Variants in IL2RB observed in about 807,000 individuals in gnomAD.
IL2RB encodes the protein interleukin 2 receptor subunit beta.
A neutral mutation model predicts 44.2 loss-of-function variants in IL2RB; 17 were observed. The ratio of observed to expected loss-of-function variants is 0.38; its 90% CI spans 0.26 to 0.58. IL2RB has a LOEUF of 0.58. Among genes scored for constraint, IL2RB ranks in the 20% least tolerant of loss-of-function variants. The pLI, the probability that IL2RB is intolerant of heterozygous loss-of-function variation, is 0.63. For missense variants in IL2RB, 624 were observed against 685.5 expected (o/e 0.91, Z 1.00); for synonymous variants, 286 against 297.9 (o/e 0.96, Z 0.41).
chr22:37,139,325 C>A (rs1206947016), intron 4 of IL2RB, 103 bp from the exon 5 acceptor site: 3 of 726,784 alleles, frequency 4.1e-6, no homozygotes, highest in South Asian at 3.3e-5. Context: ...TCTCCACATG[C>A]CCCGCCACCC....
intron 1 of IL2RB, among the ~76,000 whole-genome samples, chr22:37,157,503 C>T (rs1296883013): frequency 6.6e-6 from 1 of 152,206 alleles, no homozygotes; most frequent in Non-Finnish European, 1.5e-5. Flanking sequence ...GCAAACCATG[C>T]CATTCCTTAC....
chr22:37,158,199 G>A (rs376778461), intron 1 of IL2RB, among the ~76,000 whole-genome samples: 2 of 152,266 alleles, frequency 1.3e-5, no homozygotes, highest in African/African-American at 4.8e-5. Flanking sequence ...TAGGGGACAG[G>A]TGATGAGCAA....
intron 8 of IL2RB, 118 bp downstream of exon 8, chr22:37,135,210 T>A: frequency 1.4e-6 from 1 of 701,806 alleles, no homozygotes; most frequent in Non-Finnish European, 2.5e-6. Context: ...TGGCATGTGT[T>A]CATGTAAGTG....
intron 2 of IL2RB, 144 bp from the exon 3 acceptor site, chr22:37,143,779 C>T (rs1321005371): frequency 2.9e-6 from 2 of 681,870 alleles, no homozygotes; most frequent in Middle Eastern, 3.2e-4. Context: ...ATTCATGGAC[C>T]CACTTCAGAG....
At position 37,128,011 on chromosome 22, in the gene IL2RB, G is replaced by T; in HGVS notation, c.*85C>A. The T allele has an allele frequency of 8.5e-7, 1 of 1,173,140 alleles. No homozygotes were observed. The highest frequency in any genetic ancestry group is 1.1e-6 in the Non-Finnish European group (1 of 878,222). The allele number at this position is 1,173,140 out of a possible 1,614,324, so 72.7% of individuals were successfully genotyped here. On this transcript the variant is annotated 3_prime_UTR_variant, in exon 10 of 10. Coordinates refer to ENST00000216223, the MANE Select transcript of IL2RB (RefSeq NM_000878.5). This position sits in a 1 kb window ranked among gnomAD's most constrained non-coding sequence, Gnocchi z 4.5. ...TGCAACTGGACACTGAGTGTCCTCA[G>T]CAGTGGACTGAGGACCCTCAACAGG...
chr22:37,160,234 G>C (rs1922811604), intron 1 of IL2RB, among the ~76,000 whole-genome samples: 1 of 152,220 alleles, frequency 6.6e-6, no homozygotes, highest in South Asian at 2.1e-4. Flanking sequence ...TCCCTGTGGG[G>C]AGCAGCGGGA....
intron 1 of IL2RB, among the ~76,000 whole-genome samples, chr22:37,172,763 T>C (rs1923331516): frequency 3.3e-5 from 5 of 152,362 alleles, no homozygotes; most frequent in African/African-American, 1.2e-4. Flanking sequence ...AGCATCGTGA[T>C]GTCTCTGAAC....
intron 1 of IL2RB, among the ~76,000 whole-genome samples, chr22:37,168,583 G>C (rs1923157102): frequency 6.6e-6 from 1 of 152,238 alleles, no homozygotes; most frequent in South Asian, 2.1e-4. Context: ...AGGTTCATGG[G>C]GATGGCATGA....
At chr22:37,159,841 G>C (rs1922799480) in intron 1 of IL2RB, among the ~76,000 whole-genome samples, 1 of 152,230 alleles carries the variant, frequency 6.6e-6, no homozygotes, top group Non-Finnish European at 1.5e-5. Context: ...GGCACTCAGG[G>C]GTGCTGGCGT....
At chr22:37,158,346 G>A (rs1263501944) in intron 1 of IL2RB, among the ~76,000 whole-genome samples, 2 of 152,076 alleles carry the variant, frequency 1.3e-5, no homozygotes, top group Non-Finnish European at 2.9e-5. Context: ...TCAGGAGATC[G>A]AGACCAGCCT....
At chr22:37,153,443 A>G (rs1922568568), upstream of IL2RB, among the ~76,000 whole-genome samples, 1 of 151,698 alleles carries the variant, frequency 6.6e-6, no homozygotes, top group Non-Finnish European at 1.5e-5. Flanking sequence ...CCTGTGCTTC[A>G]GTGTGCAGAC....
rs1921830569 is a variant in IL2RB, at chr22:37,138,946, T to C, written c.388+171A>G. On this transcript the variant is annotated intron_variant, in intron 5 of 9. Coordinates refer to ENST00000216223, the MANE Select transcript of IL2RB (RefSeq NM_000878.5). ...GGGCTGGATCCTGAGCGGCCTTGAA[T>C]GCCAGAGGAAGGAGCCAGGACGTCA... 5.1e-6 allele frequency: 3 copies of C among 584,036 alleles called. No individual in the cohort carries two copies. The Admixed American group carries it at 8.6e-5, about 17-fold the overall frequency. The allele number at this position is 584,036 out of a possible 1,614,324, so 36.2% of individuals were successfully genotyped here.
chr22:37,160,772 C>T, intron 1 of IL2RB, among the ~76,000 whole-genome samples: 1 of 151,250 alleles, frequency 6.6e-6, no homozygotes, highest in Admixed American at 6.6e-5. Flanking sequence ...ATCGCTTGAG[C>T]CTGGGAAGCA....
intron 1 of IL2RB, among the ~76,000 whole-genome samples, chr22:37,169,515 C>T (rs1172513696): frequency 1.3e-5 from 2 of 152,166 alleles, no homozygotes; most frequent in South Asian, 2.1e-4. Context: ...TCAGGGGCTC[C>T]CCACTGCCCT....
At chr22:37,153,921 A>G (rs1474187916), upstream of IL2RB, among the ~76,000 whole-genome samples, 1 of 152,188 alleles carries the variant, frequency 6.6e-6, no homozygotes, top group Non-Finnish European at 1.5e-5. Context: ...CATCCATGAG[A>G]CAGCATCAGT....
At chr22:37,142,183 C>T (rs141302897) in intron 4 of IL2RB, among the ~76,000 whole-genome samples, 1 of 152,336 alleles carries the variant, frequency 6.6e-6, no homozygotes, top group East Asian at 1.9e-4. Context: ...GGGGAGACAG[C>T]AGGAGCAGAG....
At chr22:37,133,945 C>T (rs554850244) in intron 8 of IL2RB, among the ~76,000 whole-genome samples, 205 of 152,242 alleles carry the variant, frequency 1.3e-3, no homozygotes, top group African/African-American at 4.7e-3. Context: ...CTCCCCATCC[C>T]CTCCACACCC....
intron 1 of IL2RB, among the ~76,000 whole-genome samples, chr22:37,171,570 C>T (rs929120227): frequency 4.6e-5 from 7 of 152,104 alleles, no homozygotes; most frequent in African/African-American, 2.4e-5. Flanking sequence ...CACCAGAAGG[C>T]GATGGGAAAA....
intron 1 of IL2RB, among the ~76,000 whole-genome samples, chr22:37,146,346 C>T (rs773856816): frequency 2.4e-4 from 37 of 152,132 alleles, no homozygotes; most frequent in Non-Finnish European, 3.5e-4. Context: ...TTCCCATTTT[C>T]GAGGCTTTCT....
Sources: gnomAD v4.1 joint callset for allele counts (sites outside exome capture counted in the v4.1 genomes callset) on GRCh38, gnomAD v4.1.1 for gene constraint, Gnocchi (gnomAD v3.1) non-coding constraint, MANE v1.5 for transcripts, NCBI Gene and HGNC (gene_info 2026-07-23, HGNC 2026-07-21) for gene names.